Variants in APAF1 observed in about 807,000 individuals in gnomAD.
APAF1 encodes the protein apoptotic protease-activating factor 1.
In APAF1, 91 loss-of-function variants were observed where a neutral mutation model predicts 152.4. The ratio of observed to expected loss-of-function variants is 0.60; its 90% CI spans 0.50 to 0.71. The LOEUF (loss-of-function observed/expected upper bound fraction) is 0.71, where lower values mean the gene tolerates loss of function less well. APAF1 is among the 30% of genes least tolerant of loss of function. The pLI is 0.00. For synonymous variants in APAF1, 484 were observed against 494.1 expected (o/e 0.98, Z 0.27); for missense variants, 1,283 against 1,472.0 (o/e 0.87, Z 2.10).
chr12:98,684,730 G>A (rs2097696192), intron 15 of APAF1, among the ~76,000 whole-genome samples: 1 of 151,928 alleles, frequency 6.6e-6, no homozygotes, highest in Admixed American at 6.6e-5. Context: ...TTGAATAAAT[G>A]TACCACTAAA....
At chr12:98,711,137 A>G (rs1409722844) in intron 20 of APAF1, among the ~76,000 whole-genome samples, 1 of 152,222 alleles carries the variant, frequency 6.6e-6, no homozygotes, top group African/African-American at 2.4e-5. Flanking sequence ...ATGGAATTCA[A>G]TGTGAATTTC....
chr12:98,659,058 A>G (rs768735670), intron 4 of APAF1, 102 bp from the exon 5 acceptor site: 78 of 1,142,610 alleles, frequency 6.8e-5, no homozygotes, highest in Non-Finnish European at 9.6e-5. Flanking sequence ...TGAAGATGTG[A>G]TGGGATTGTA....
intron 10 of APAF1, among the ~76,000 whole-genome samples, 187 bp downstream of exon 10, chr12:98,667,831 G>A (rs1477830683): frequency 7.1e-6 from 1 of 140,986 alleles, no homozygotes. Flanking sequence ...GAGTGCAGTG[G>A]CACAATCTCA....
intron 18 of APAF1, among the ~76,000 whole-genome samples, chr12:98,706,143 A>G (rs1384427979): frequency 2.0e-5 from 3 of 152,094 alleles, no homozygotes; most frequent in African/African-American, 4.8e-5. Flanking sequence ...ACTCTTCTAC[A>G]CTTTGCTTTT....
Position 98,666,285 on chromosome 12 carries a change from A to G in APAF1, c.1290A>G (p.Gly430=), listed in dbSNP as rs772304516. The change falls in exon 9 of 27, where the codon GGA becomes GGG. Residue 430 remains glycine, a synonymous_variant. Transcript: ENST00000551964. The stretch of plus-strand genomic sequence containing the variant: ...CTCTTTTATTCTGTGATCGGAATGG[A>G]AAGTCGTTTCGTTATTATTTACATG... ...NKSLLFCDRN[G]KSFRYYLHDL... The G allele has an allele frequency of 3.7e-6, 6 of 1,613,892 alleles. No homozygotes were observed. The highest frequency in any genetic ancestry group is 2.7e-5 in the African/African-American group (2 of 75,040).
At chr12:98,698,893 T>C (rs1213827803) in intron 16 of APAF1, among the ~76,000 whole-genome samples, 2 of 152,244 alleles carry the variant, frequency 1.3e-5, no homozygotes, top group African/African-American at 4.8e-5. Flanking sequence ...TAGCCCTATC[T>C]GGCCCTGCCA....
intron 20 of APAF1, among the ~76,000 whole-genome samples, chr12:98,709,744 C>T (rs913229601): frequency 1.2e-4 from 19 of 152,168 alleles, no homozygotes; most frequent in African/African-American, 4.6e-4. Flanking sequence ...TAAGAGCAAG[C>T]AGCCAGATAA....
chr12:98,700,583 C>T (rs936678481), intron 17 of APAF1, among the ~76,000 whole-genome samples: 34 of 152,156 alleles, frequency 2.2e-4, no homozygotes, highest in Non-Finnish European at 4.6e-4. Flanking sequence ...ATAAGCAAGA[C>T]TTGAAGATTA....
chr12:98,681,464 G>A (rs2097692126), intron 14 of APAF1, among the ~76,000 whole-genome samples: 1 of 152,184 alleles, frequency 6.6e-6, no homozygotes, highest in Non-Finnish European at 1.5e-5. Context: ...CTGAAGGCTT[G>A]TGGGGGTTAT....
At chr12:98,670,527 G>A (rs180758034) in intron 10 of APAF1, among the ~76,000 whole-genome samples, 27 of 151,994 alleles carry the variant, frequency 1.8e-4, no homozygotes, top group South Asian at 6.2e-4. Flanking sequence ...TTACAAATAA[G>A]TATTTTTTTA....
rs967200004 is a variant in APAF1, at chr12:98,649,044, C to G, written c.328+229C>G. On this transcript the variant is annotated intron_variant, in intron 3 of 26. Transcript: ENST00000551964. ...CTGCTGAGATAATAATATGTCTACC[C>G]TAATTTTTAGAGACAATAAGACAAT... 8.1e-6 allele frequency: 6 copies of G among 737,184 alleles called. No homozygotes were observed. The African/African-American group carries it at 1.1e-4, about 13-fold the overall frequency. The allele number at this position is 737,184 out of a possible 1,614,324, so 45.7% of individuals were successfully genotyped here. A position where few individuals can be genotyped will look rare whatever the true frequency, so the allele number is the denominator to read the frequency against.
At chr12:98,726,274 A>G (rs2097750470) in intron 25 of APAF1, among the ~76,000 whole-genome samples, 1 of 152,228 alleles carries the variant, frequency 6.6e-6, no homozygotes, top group Admixed American at 6.5e-5. Flanking sequence ...ATATGGAAAG[A>G]ATTGCATGCT....
Position 98,735,334 on chromosome 12 carries a change from G to T in APAF1, c.*2768G>T. The T allele has an allele frequency of 2.4e-6, 1 of 411,020 alleles. No homozygotes were observed. The highest frequency in any genetic ancestry group is 1.0e-4 in the South Asian group (1 of 10,036). 25.5% of individuals were successfully genotyped at this position (411,020 alleles called of 1,614,324 possible). A position where few individuals can be genotyped will look rare whatever the true frequency, so the allele number is the denominator to read the frequency against. ...TATGTTTTGAAACTCTTGTATTTAT[G>T]ATATAGCTTATATGATTTTTTTGCC... is the stretch of plus-strand genomic sequence containing the variant. On this transcript the variant is annotated 3_prime_UTR_variant, in exon 27 of 27. Transcript: ENST00000551964.
intron 4 of APAF1, among the ~76,000 whole-genome samples, chr12:98,655,193 G>T (rs1289179960): frequency 3.3e-4 from 45 of 135,980 alleles, no homozygotes; most frequent in African/African-American, 1.2e-3. Flanking sequence ...ATTTTTCTTA[G>T]TGCAGAACAA....
intron 26 of APAF1, among the ~76,000 whole-genome samples, chr12:98,730,385 A>G (rs775371165): frequency 1.3e-5 from 2 of 152,342 alleles, no homozygotes; most frequent in Non-Finnish European, 1.5e-5. Flanking sequence ...TTTGACACCA[A>G]GTTTCTAGAG....
At chr12:98,662,967 A>G (rs1211400092) in intron 7 of APAF1, among the ~76,000 whole-genome samples, 161 bp downstream of exon 7, 1 of 152,184 alleles carries the variant, frequency 6.6e-6, no homozygotes, top group Non-Finnish European at 1.5e-5. Flanking sequence ...TGGATACATG[A>G]TATTATGGTA....
Position 98,671,001 on chromosome 12 carries a change from A to G in APAF1, c.1523A>G (p.Asp508Gly), listed in dbSNP as rs2097679434. The G allele has an allele frequency of 3.7e-6, 6 of 1,612,770 alleles. 1 individual carries two copies. Among genetic ancestry groups the G allele is most frequent in the Non-Finnish European group, 5.1e-6 (6 of 1,179,470 alleles). ...KELCALMFSL[D>G]WIKAKTELVG... The stretch of plus-strand genomic sequence containing the variant: ...CTTTGTGCTTTAATGTTTTCCCTGG[A>G]TTGGATTAAAGCAAAAACAGAACTT... Residue 508 changes from aspartate (D) to glycine (G), a missense_variant, in exon 11 of 27, where the codon GAT becomes GGT. By Grantham distance (94) the Asp-to-Gly change is moderately conservative. Coordinates refer to ENST00000551964, the MANE Select transcript of APAF1 (RefSeq NM_181861.2).
rs373040331 is a variant in APAF1 at position 98,648,703 on chromosome 12, C to A, written c.216C>A (p.Tyr72Ter). 6.2e-7 allele frequency: 1 copy of A among 1,613,472 alleles called. No homozygotes were observed. Among genetic ancestry groups the A allele is most frequent in the Non-Finnish European group, 8.5e-7 (1 of 1,179,480 alleles). Reference sequence around the variant, plus strand: ...ATAATGATTCCTACGTATCATTCTACAATGCTCTACTACATGAAGGATATA... The same window carrying A: ...ATAATGATTCCTACGTATCATTCTAAAATGCTCTACTACATGAAGGATATA... ...KKDNDSYVSFYNALLHEGYKD... is the reference protein window; with the variant it reads ...KKDNDSYVSF Residue 72 changes from tyrosine (Y) to a stop codon, truncating the protein, a stop_gained, in exon 3 of 27, where the codon TAC (tyrosine) becomes TAA (stop). Coordinates refer to ENST00000551964, the MANE Select transcript of APAF1 (RefSeq NM_181861.2). LOFTEE classifies it high-confidence loss of function.
intron 13 of APAF1, among the ~76,000 whole-genome samples, chr12:98,678,260 G>A (rs2097688592): frequency 6.6e-6 from 1 of 152,244 alleles, no homozygotes; most frequent in South Asian, 2.1e-4. Context: ...ATAGTCTCAA[G>A]AGCTGAAGCT....
Sources: allele counts gnomAD v4.1 joint callset (sites outside exome capture counted in the v4.1 genomes callset), GRCh38; gene constraint gnomAD v4.1.1; transcripts MANE v1.5; gene names NCBI Gene and HGNC (gene_info 2026-07-23, HGNC 2026-07-21).